Variants in PTCD3 observed in about 807,000 individuals in gnomAD.
PTCD3 encodes the protein pentatricopeptide repeat domain 3, also known as small ribosomal subunit protein mS39.
In PTCD3, 89 loss-of-function variants were observed where a neutral mutation model predicts 101.9. The ratio of observed to expected loss-of-function variants is 0.87; its 90% CI spans 0.74 to 1.04. The LOEUF (loss-of-function observed/expected upper bound fraction) is 1.04, where lower values mean the gene tolerates loss of function less well. Among genes scored for constraint, PTCD3 ranks in the 50% least tolerant of loss-of-function variants. PTCD3 has a pLI of 0.00. For missense variants in PTCD3, 870 were observed against 828.2 expected, an observed-to-expected ratio of 1.05 and a Z score of -0.62; for synonymous variants, 296 against 278.5, an observed-to-expected ratio of 1.06 and a Z score of -0.63.
At chr2:86,136,429 T>G in intron 21 of PTCD3, 92 bp from the exon 22 acceptor site, 2 of 1,256,930 alleles carry the variant, frequency 1.6e-6, no homozygotes, top group Non-Finnish European at 2.3e-6. Context: ...GAAAAGGGCA[T>G]TTAGTCTCTG....
chr2:86,127,696 CT>C, intron 13 of PTCD3: 1 of 516,006 alleles, frequency 1.9e-6, no homozygotes, highest in Non-Finnish European at 3.4e-6. Context: ...ATATATTTTA[CT>C]GTTCTCAGTG....
At chr2:86,129,434 G>C (rs1674456119) in intron 14 of PTCD3, among the ~76,000 whole-genome samples, 1 of 152,178 alleles carries the variant, frequency 6.6e-6, no homozygotes, top group Non-Finnish European at 1.5e-5. Context: ...AGGATTGCTT[G>C]AGCCCAGGAG....
At chr2:86,113,858 G>A (rs1447537189) in intron 4 of PTCD3, among the ~76,000 whole-genome samples, 4 of 152,118 alleles carry the variant, frequency 2.6e-5, no homozygotes, top group Non-Finnish European at 5.9e-5. Context: ...TAAAGATAGT[G>A]TTGGGTCTAA....
chr2:86,136,677 C>T (rs995151062), intron 22 of PTCD3, 115 bp downstream of exon 22: 13 of 1,214,170 alleles, frequency 1.1e-5, no homozygotes, highest in East Asian at 2.3e-5. Context: ...GCAAGCATAC[C>T]GTCAACTCCC....
In PTCD3 at chr2:86,130,633, TTTC is replaced by T; in HGVS notation, c.1148-12_1148-10del. 6.2e-7 allele frequency: 1 copy of T among 1,605,368 alleles called. No individual in the cohort carries two copies. Among genetic ancestry groups the T allele is most frequent in the South Asian group, 1.1e-5 (1 of 89,222 alleles). ...AAGGAAGTGGATTAAACACATTTGC[TTTC>T]TTGTTCTGCAGGAGACCCTTTAAAG... On this transcript the variant is annotated splice_polypyrimidine_tract_variant and intron_variant, in intron 14 of 23. Transcript: ENST00000254630.
chr2:86,115,053 A>G (rs1199413419), intron 4 of PTCD3, among the ~76,000 whole-genome samples: 1 of 152,188 alleles, frequency 6.6e-6, no homozygotes, highest in African/African-American at 2.4e-5. Flanking sequence ...CCATACTCCC[A>G]GAAGGGAAGC....
chr2:86,112,555 A>G (rs1674108099), intron 4 of PTCD3, among the ~76,000 whole-genome samples: 1 of 151,578 alleles, frequency 6.6e-6, no homozygotes, highest in Non-Finnish European at 1.5e-5. Context: ...GCATGGTGGC[A>G]CCTGTAGTCC....
At chr2:86,131,025 G>C in intron 15 of PTCD3, 53 bp from the exon 16 acceptor site, 1 of 1,557,464 alleles carries the variant, frequency 6.4e-7, no homozygotes, top group African/African-American at 1.4e-5. Context: ...TTACTGACTT[G>C]AAAATATATT....
Position 86,121,587 on chromosome 2 carries a change from A to C in PTCD3, c.647A>C (p.Glu216Ala), listed in dbSNP as rs747082348. ...CATTTTCAACAAACTGGACAGTCAG[A>C]AGCATTGGTAATAACTGTTGGCCTT... ...DYHFQQTGQS[E>A]ALEEENDETS... Residue 216 changes from glutamate to alanine, a missense_variant, in exon 8 of 24, where the codon GAA becomes GCA. Glu to Ala is a moderately radical substitution (Grantham distance 107). Transcript: ENST00000254630. The C allele has an allele frequency of 3.1e-6, 5 of 1,590,990 alleles. No homozygotes were observed. The highest frequency in any genetic ancestry group is 4.3e-6 in the Non-Finnish European group (5 of 1,167,334).
Position 86,132,300 on chromosome 2 carries a change from C to T in PTCD3, c.1267-18C>T, listed in dbSNP as rs371606925. ...TGACAGGGTATCAGAGTGATACTTA[C>T]TACTTGCATATTTTCAGTGCTCATC... On this transcript the variant is annotated intron_variant, in intron 16 of 23. Transcript: ENST00000254630. 1.1e-4 allele frequency: 162 copies of T among 1,461,202 alleles called. No homozygotes were observed. Among genetic ancestry groups the T allele is most frequent in the Non-Finnish European group, 1.5e-4 (157 of 1,044,608 alleles). 90.5% of individuals were successfully genotyped at this position (1,461,202 alleles called of 1,614,324 possible). A position where few individuals can be genotyped will look rare whatever the true frequency, so the allele number is the denominator to read the frequency against.
chr2:86,134,732 A>G (rs983968946), intron 20 of PTCD3, 107 bp from the exon 21 acceptor site: 16 of 1,285,742 alleles, frequency 1.2e-5, no homozygotes, highest in Non-Finnish European at 1.8e-5. Flanking sequence ...TAATATATTC[A>G]AATGGTAAAA....
At chr2:86,134,262 G>C in intron 19 of PTCD3, 30 bp from the exon 20 acceptor site, 1 of 1,513,338 alleles carries the variant, frequency 6.6e-7, no homozygotes, top group South Asian at 1.1e-5. Context: ...ACATAACAAT[G>C]ATCACTCCTT....
intron 3 of PTCD3, 188 bp from the exon 4 acceptor site, chr2:86,110,925 G>A: frequency 1.3e-6 from 1 of 746,930 alleles, no homozygotes; most frequent in Non-Finnish European, 2.5e-6. Context: ...AGAGGAACAT[G>A]TACCAACTAG....
In PTCD3 at chr2:86,133,377, A is replaced by G. The variant is rs1172960817; in HGVS notation, c.1484A>G (p.His495Arg). 5 of 1,614,166 alleles carry G rather than the reference A, an allele frequency of 3.1e-6. No homozygotes were observed. The highest frequency in any genetic ancestry group is 1.6e-4 in the Middle Eastern group (1 of 6,062). The change falls in exon 19 of 24, where the codon CAT becomes CGT. Residue 495 changes from histidine to arginine, a missense_variant. By Grantham distance (29) the His-to-Arg change is conservative. Coordinates refer to ENST00000254630, the MANE Select transcript of PTCD3 (RefSeq NM_017952.6). Reference protein sequence around the residue: ...AYFPHSQTMIHLLQALDVANR... With the variant: ...AYFPHSQTMIRLLQALDVANR... ...TTTCCCCACTCCCAAACAATGATAC[A>G]TCTTCTCCAAGCATTGGATGTGGCC... is the stretch of plus-strand genomic sequence containing the variant.
intron 6 of PTCD3, among the ~76,000 whole-genome samples, chr2:86,117,886 C>A (rs536175688): frequency 2.6e-5 from 4 of 152,136 alleles, no homozygotes; most frequent in African/African-American, 9.7e-5. Context: ...AAGCAATTCT[C>A]CTGCCTCAGC....
Position 86,108,407 on chromosome 2 carries a change from ATT to A in PTCD3, c.157+8_157+9del, listed in dbSNP as rs1202750458. On this transcript the variant is annotated splice_donor_region_variant and intron_variant, in intron 2 of 23. Coordinates refer to ENST00000254630, the MANE Select transcript of PTCD3 (RefSeq NM_017952.6). ...TTGAAGGAACTGATGTAACAGGTAT[ATT>A]TTAAAATATATTGAATTCTATTTTT... 6.2e-7 allele frequency: 1 copy of A among 1,602,798 alleles called. No homozygotes were observed. Among genetic ancestry groups the A allele is most frequent in the Non-Finnish European group, 8.5e-7 (1 of 1,176,228 alleles).
intron 1 of PTCD3, among the ~76,000 whole-genome samples, chr2:86,107,404 A>G (rs1673978576): frequency 6.6e-6 from 1 of 152,232 alleles, no homozygotes; most frequent in South Asian, 2.1e-4. Context: ...TCTTGTTTTA[A>G]ATGATACCTG....
At chr2:86,108,284 A>C in intron 1 of PTCD3, 66 bp from the exon 2 acceptor site, 1 of 1,544,664 alleles carries the variant, frequency 6.5e-7, no homozygotes, top group South Asian at 1.2e-5. Flanking sequence ...CAAAGTACAC[A>C]TAGGTGGAGG....
chr2:86,124,674 G>A (rs1674350392), intron 9 of PTCD3, among the ~76,000 whole-genome samples: 1 of 152,146 alleles, frequency 6.6e-6, no homozygotes, highest in Admixed American at 6.5e-5. Flanking sequence ...GAAAGGTGAG[G>A]AAACTTTACT....
Sources: allele counts gnomAD v4.1 joint callset (sites outside exome capture counted in the v4.1 genomes callset), GRCh38; gene constraint gnomAD v4.1.1; transcripts MANE v1.5; gene names NCBI Gene and HGNC (gene_info 2026-07-23, HGNC 2026-07-21).